The following PTPRM variants were observed in gnomAD, a reference collection of about 807,000 sequenced individuals.
PTPRM encodes the protein receptor-type tyrosine-protein phosphatase mu.
In PTPRM, 47 loss-of-function variants were observed where a neutral mutation model predicts 186.7. The ratio of observed to expected loss-of-function variants is 0.25; its 90% confidence interval spans 0.20 to 0.32. PTPRM has a LOEUF of 0.32. Ranked by LOEUF, PTPRM falls within the 10% of genes least tolerant of loss-of-function variation. The pLI is 1.00. For synonymous variants in PTPRM, 668 were observed against 674.9 expected, an observed-to-expected ratio of 0.99 and a Z score of 0.16; for missense variants, 1,494 against 1,865.0, an observed-to-expected ratio of 0.80 and a Z score of 3.66.
intron 1 of PTPRM, among the ~76,000 whole-genome samples, chr18:7,726,423 CTCCTA>C (rs762845786): frequency 6.6e-6 from 1 of 152,114 alleles, no homozygotes; most frequent in Non-Finnish European, 1.5e-5. Flanking sequence ...CAAATACATT[CTCCTA>C]TCCTGTGCGT....
At chr18:8,009,877 A>C (rs534456712) in intron 7 of PTPRM, among the ~76,000 whole-genome samples, 3 of 152,320 alleles carry the variant, frequency 2.0e-5, no homozygotes, top group African/African-American at 7.2e-5. Flanking sequence ...ACTCGAGATA[A>C]TAAACTATTT....
chr18:7,782,605 C>A (rs533536520), intron 2 of PTPRM, among the ~76,000 whole-genome samples: 1 of 152,262 alleles, frequency 6.6e-6, no homozygotes, highest in Admixed American at 6.5e-5. Context: ...TTCCTCCTCC[C>A]CCAGCCCTGG....
chr18:7,790,841 G>C (rs576994112), intron 2 of PTPRM, among the ~76,000 whole-genome samples: 2 of 152,070 alleles, frequency 1.3e-5, no homozygotes, highest in East Asian at 3.9e-4. Context: ...AGAAAAGGAA[G>C]GTAACCTTCC....
At chr18:7,698,595 C>T (rs2039892851) in intron 1 of PTPRM, among the ~76,000 whole-genome samples, 1 of 152,012 alleles carries the variant, frequency 6.6e-6, no homozygotes, top group African/African-American at 2.4e-5. Flanking sequence ...GATCTTAGTG[C>T]CATCTTTATT....
At chr18:7,818,746 T>C (rs1045309911) in intron 2 of PTPRM, among the ~76,000 whole-genome samples, 1 of 152,224 alleles carries the variant, frequency 6.6e-6, no homozygotes, top group Admixed American at 6.5e-5. Flanking sequence ...GCTTAATTCA[T>C]ATGAAGTGCC....
intron 7 of PTPRM, among the ~76,000 whole-genome samples, chr18:7,999,745 C>A (rs2083757112): frequency 1.3e-5 from 2 of 152,004 alleles, no homozygotes; most frequent in African/African-American, 4.8e-5. Flanking sequence ...GACAGATGCT[C>A]AAATGTGGGA....
At chr18:8,347,249 T>C (rs759375618) in intron 23 of PTPRM, among the ~76,000 whole-genome samples, 1 of 152,216 alleles carries the variant, frequency 6.6e-6, no homozygotes, top group African/African-American at 2.4e-5. Context: ...AGATAATTGC[T>C]AAATAACAAC....
rs138188785 is a variant in PTPRM at position 7,789,514 on chromosome 18, A to ATTG, written c.196+15243_196+15244insTTG. 8.0e-3 allele frequency among the ~76,000 whole-genome samples: 1,223 copies of ATTG among 152,284 alleles called. 15 individuals carry two copies. Among genetic ancestry groups the ATTG allele is most frequent in the African/African-American group, 0.028 (1,167 of 41,552 alleles). On this transcript the variant is annotated intron_variant, in intron 2 of 32. Coordinates refer to ENST00000580170, the MANE Select transcript of PTPRM (RefSeq NM_001105244.2). ...TTCATGAAGTGGCATAGACTTGCTG[A>ATTG]AGATTAATTTCCTCTACTAATTGGC...
chr18:7,615,919 A>G (rs2037791717), intron 1 of PTPRM, among the ~76,000 whole-genome samples: 1 of 152,086 alleles, frequency 6.6e-6, no homozygotes, highest in African/African-American at 2.4e-5. Flanking sequence ...TCTCATTAGG[A>G]GCGTGCAACC....
chr18:7,888,173 A>C lies in PTPRM; in HGVS notation c.264A>C (p.Gln88His). The change falls in exon 3 of 33, where the codon CAA (glutamine) becomes CAC (histidine). Residue 88 changes from glutamine to histidine, a missense_variant. Gln to His is a conservative substitution (Grantham distance 24). This residue lies in a region of PTPRM where 296 missense variants were observed against 345.5 expected (regional missense o/e 0.86). Coordinates refer to ENST00000580170, the MANE Select transcript of PTPRM (RefSeq NM_001105244.2). ...EGQRAHLLLP[Q>H]LKENDTHCID... is the part of the protein sequence containing the mutation. The stretch of plus-strand genomic sequence containing the variant: ...AGAGAGCCCACCTGCTCTTACCCCA[A>C]CTTAAAGAAAATGACACCCACTGCA... 4 of 1,614,176 alleles carry C rather than the reference A, an allele frequency of 2.5e-6. No individual in the cohort carries two copies. Among genetic ancestry groups the C allele is most frequent in the Non-Finnish European group, 2.5e-6 (3 of 1,180,014 alleles).
chr18:8,254,978 T>C (rs1295362563), intron 19 of PTPRM, among the ~76,000 whole-genome samples: 1 of 152,304 alleles, frequency 6.6e-6, no homozygotes, highest in Middle Eastern at 3.4e-3. Context: ...GTCCAGAAAA[T>C]ATTTTCAGTT....
intron 4 of PTPRM, among the ~76,000 whole-genome samples, chr18:7,918,289 T>C (rs2050678555): frequency 7.3e-6 from 1 of 136,838 alleles, no homozygotes; most frequent in African/African-American, 2.8e-5. Flanking sequence ...GGTAGTTCTA[T>C]GTTTAGTTTT....
chr18:8,224,699 G>A (rs2094192810), intron 14 of PTPRM, among the ~76,000 whole-genome samples: 1 of 152,162 alleles, frequency 6.6e-6, no homozygotes. Context: ...TATTTGTTAT[G>A]TGGCATAATA....
At chr18:7,876,666 G>A (rs1346188497) in intron 2 of PTPRM, among the ~76,000 whole-genome samples, 1 of 152,178 alleles carries the variant, frequency 6.6e-6, no homozygotes, top group African/African-American at 2.4e-5. Context: ...TGCCCCCGTG[G>A]TAGTGAGCAT....
intron 11 of PTPRM, among the ~76,000 whole-genome samples, chr18:8,103,345 G>C (rs2091376953): frequency 6.6e-6 from 1 of 152,242 alleles, no homozygotes; most frequent in African/African-American, 2.4e-5. Flanking sequence ...TTGAAAATCT[G>C]TGGTTTAGTG....
At chr18:7,866,760 T>C (rs112501031) in intron 2 of PTPRM, among the ~76,000 whole-genome samples, 1 of 152,016 alleles carries the variant, frequency 6.6e-6, no homozygotes, top group African/African-American at 2.4e-5. Context: ...TTCTTTCTAG[T>C]TGATCTGTCT....
chr18:8,405,956 C>G (rs2095903935), intron 32 of PTPRM, among the ~76,000 whole-genome samples, 153 bp from the exon 33 acceptor site: 1 of 152,198 alleles, frequency 6.6e-6, no homozygotes, highest in Admixed American at 6.5e-5. Context: ...GTGAATGTAT[C>G]TGGAGTTCAG....
At chr18:7,790,417 C>A (rs1413468872) in intron 2 of PTPRM, among the ~76,000 whole-genome samples, 1 of 152,120 alleles carries the variant, frequency 6.6e-6, no homozygotes, top group African/African-American at 2.4e-5. Flanking sequence ...GCTTTTTCAG[C>A]CAGCAGGGTA....
At chr18:8,253,186 C>G in intron 18 of PTPRM, 41 bp from the exon 19 acceptor site, 2 of 1,351,598 alleles carry the variant, frequency 1.5e-6, no homozygotes, top group Non-Finnish European at 1.9e-6. Context: ...GACCTAGCTC[C>G]CTGGCTCTCC....
Sources: gnomAD v4.1 joint callset for allele counts (sites outside exome capture counted in the v4.1 genomes callset) on GRCh38, gnomAD v4.1.1 for gene constraint, gnomAD v4.1.1 regional missense constraint, MANE v1.5 for transcripts, NCBI Gene and HGNC (gene_info 2026-07-23, HGNC 2026-07-21) for gene names.